PANK2: variants seen among roughly 807,000 people sequenced by gnomAD.
PANK2 encodes pantothenate kinase 2, mitochondrial.
Under a neutral mutation model 43.1 loss-of-function variants are expected in PANK2, and 36 were observed. That is an observed-to-expected ratio of 0.84 (90% confidence interval 0.64 to 1.10). The LOEUF is 1.10. PANK2 is among the 50% of genes least tolerant of loss of function. PANK2 has a pLI of 0.00. For synonymous variants in PANK2, 281 were observed against 238.2 expected (o/e 1.18, Z -1.66); for missense variants, 576 against 593.3 (o/e 0.97, Z 0.30).
chr20:3,922,372 A>C (rs544806780), intron 6 of PANK2, among the ~76,000 whole-genome samples: 1 of 152,264 alleles, frequency 6.6e-6, no homozygotes, highest in African/African-American at 2.4e-5. Flanking sequence ...GTTGCATGTG[A>C]CCTGACTGCT....
At chr20:3,911,143 G>T (rs554495192) in intron 3 of PANK2, among the ~76,000 whole-genome samples, 21 of 152,328 alleles carry the variant, frequency 1.4e-4, no homozygotes, top group Non-Finnish European at 2.2e-4. Context: ...TAAGGAGAAG[G>T]CACGGGAAAG....
At chr20:3,911,586 A>T (rs1053333404) in intron 3 of PANK2, among the ~76,000 whole-genome samples, 1 of 150,632 alleles carries the variant, frequency 6.6e-6, no homozygotes, top group African/African-American at 2.4e-5. Flanking sequence ...TCCGTCTCAA[A>T]AAAAAAAGAA....
chr20:3,889,768 C>G, intron 1 of PANK2, 40 bp downstream of exon 1: 1 of 1,578,852 alleles, frequency 6.3e-7, no homozygotes, highest in Non-Finnish European at 8.5e-7. Flanking sequence ...CCGCCCTGCC[C>G]CCCCTTCCGG....
chr20:3,922,803 TCTGTG>T (rs1277250989), intron 6 of PANK2, among the ~76,000 whole-genome samples: 1 of 152,186 alleles, frequency 6.6e-6, no homozygotes, highest in Non-Finnish European at 1.5e-5. Context: ...GCTCTCACCC[TCTGTG>T]ACCCACCTCA....
intron 1 of PANK2, among the ~76,000 whole-genome samples, chr20:3,898,460 A>G (rs2090246668): frequency 6.6e-6 from 1 of 152,166 alleles, no homozygotes; most frequent in African/African-American, 2.4e-5. Flanking sequence ...TCGGCCTCCC[A>G]AAATGCTGGG....
At chr20:3,906,918 C>T (rs2090395358) in intron 1 of PANK2, among the ~76,000 whole-genome samples, 1 of 151,648 alleles carries the variant, frequency 6.6e-6, no homozygotes, top group African/African-American at 2.4e-5. Context: ...CCTGCCTCAG[C>T]CTCCGGAGTA....
chr20:3,910,198 T>G (rs983100824), intron 2 of PANK2, among the ~76,000 whole-genome samples: 3 of 152,106 alleles, frequency 2.0e-5, no homozygotes, highest in African/African-American at 7.2e-5. Context: ...TGTCACAAGG[T>G]GGTTTCTGAT....
rs567392557 is a variant in PANK2 at position 3,890,235 on chromosome 20, C to T, written c.298+507C>T. On this transcript the variant is annotated intron_variant, in intron 1 of 6. Transcript: ENST00000610179. The stretch of plus-strand genomic sequence containing the variant: ...CAGGCCTGAAACTGTATTCCGTGCA[C>T]CTCTAAGGTGGCTGCCCTTCTTCTC... Among the ~76,000 whole-genome samples, 4 of 152,298 alleles carry T rather than the reference C, an allele frequency of 2.6e-5. No homozygotes were observed. In the South Asian group the frequency reaches 6.2e-4, roughly 24 times the overall value.
At chr20:3,905,381 C>T (rs1486225417) in intron 1 of PANK2, among the ~76,000 whole-genome samples, 5 of 143,042 alleles carry the variant, frequency 3.5e-5, no homozygotes, top group Non-Finnish European at 7.5e-5. Context: ...GACGGAGTCT[C>T]GCTCTGTCAC....
intron 5 of PANK2, among the ~76,000 whole-genome samples, 191 bp from the exon 6 acceptor site, chr20:3,918,480 C>G (rs773871955): frequency 6.6e-6 from 1 of 151,992 alleles, no homozygotes; most frequent in Non-Finnish European, 1.5e-5. Flanking sequence ...GTGACATTAT[C>G]TAGCATGCTT....
intron 1 of PANK2, among the ~76,000 whole-genome samples, chr20:3,898,383 A>G (rs2090245234): frequency 6.6e-6 from 1 of 152,048 alleles, no homozygotes; most frequent in Non-Finnish European, 1.5e-5. Context: ...TATTTTTAGT[A>G]GAGATGGGGT....
At position 3,889,576 on chromosome 20, in the gene PANK2, G is replaced by C. The variant is rs2090078570; in HGVS notation, c.146G>C (p.Arg49Pro). 1 of 1,462,820 alleles carries C rather than the reference G, an allele frequency of 6.8e-7. No individual in the cohort carries two copies. Among genetic ancestry groups the C allele is most frequent in the African/African-American group, 1.5e-5 (1 of 67,834 alleles). The allele number at this position is 1,462,820 out of a possible 1,614,324, so 90.6% of individuals were successfully genotyped here. Residue 49 changes from arginine to proline, a missense_variant, in exon 1 of 7, where the codon CGG (arginine) becomes CCG (proline). Around this residue, in one of 2 missense-constraint regions of PANK2, gnomAD observed 544 missense variants for 528.9 expected, o/e 1.03. Coordinates refer to ENST00000610179, the MANE Select transcript of PANK2 (RefSeq NM_001386393.1). Reference sequence around the variant, plus strand: ...GCGGCCGGGGACCCCGAAGGGCGGCGGCAGGAGCCACTGCGGCGCCGGGCG... The same window carrying C: ...GCGGCCGGGGACCCCGAAGGGCGGCCGCAGGAGCCACTGCGGCGCCGGGCG...
chr20:3,901,676 C>T, intron 1 of PANK2: 1 of 853,404 alleles, frequency 1.2e-6, no homozygotes, highest in Non-Finnish European at 1.4e-6. Flanking sequence ...TTGTTTATTT[C>T]TTAAAGCTCT....
intron 1 of PANK2, among the ~76,000 whole-genome samples, chr20:3,906,943 C>T (rs11907503): frequency 0.13 from 20,068 of 151,866 alleles, 1,531 homozygotes; most frequent in Non-Finnish European, 0.18. Context: ...GGACTACAAG[C>T]GCACGCCACC....
At chr20:3,892,519 AC>A (rs1394603903) in intron 1 of PANK2, among the ~76,000 whole-genome samples, 1 of 152,018 alleles carries the variant, frequency 6.6e-6, no homozygotes, top group African/African-American at 2.4e-5. Flanking sequence ...TACTAAAAAT[AC>A]AAAAAAATTA....
chr20:3,899,875 T>A (rs995398239), intron 1 of PANK2, among the ~76,000 whole-genome samples: 5 of 151,642 alleles, frequency 3.3e-5, no homozygotes, highest in African/African-American at 1.2e-4. Flanking sequence ...GCCCGGCTAA[T>A]GTTTTGTATT....
intron 1 of PANK2, among the ~76,000 whole-genome samples, chr20:3,907,561 GT>G (rs1426564350): frequency 2.0e-5 from 3 of 151,328 alleles, no homozygotes; most frequent in African/African-American, 7.3e-5. Context: ...AAGTCTCAAT[GT>G]TTTTTTTTAA....
upstream of PANK2, chr20:3,888,847 G>A: frequency 2.1e-6 from 1 of 480,474 alleles, no homozygotes. Flanking sequence ...ACATGCTGGG[G>A]GAGGGGCTGG....
intron 5 of PANK2, 66 bp from the exon 6 acceptor site, chr20:3,918,605 G>A: frequency 6.2e-7 from 1 of 1,601,758 alleles, no homozygotes; most frequent in Non-Finnish European, 8.5e-7. Context: ...TGCTGTATTT[G>A]GGGTAGCTTT....
Sources: allele counts gnomAD v4.1 joint callset (sites outside exome capture counted in the v4.1 genomes callset), GRCh38; gene constraint gnomAD v4.1.1; regional missense constraint gnomAD v4.1.1; transcripts MANE v1.5; gene names NCBI Gene and HGNC (gene_info 2026-07-23, HGNC 2026-07-21).